KCTD16: variants seen among roughly 807,000 people sequenced by gnomAD.
KCTD16 encodes the protein BTB/POZ domain-containing protein KCTD16.
In KCTD16, 13 loss-of-function variants were observed where a neutral mutation model predicts 33.2. The ratio of observed to expected loss-of-function variants is 0.39; its 90% CI spans 0.25 to 0.62. The LOEUF (loss-of-function observed/expected upper bound fraction) is 0.62, where lower values mean the gene tolerates loss of function less well. Among genes scored for constraint, KCTD16 ranks in the 20% least tolerant of loss-of-function variants. The pLI is 0.50. For synonymous variants in KCTD16, 197 were observed against 195.3 expected, an observed-to-expected ratio of 1.01 and a Z score of -0.07; for missense variants, 441 against 525.1, an observed-to-expected ratio of 0.84 and a Z score of 1.57.
intron 3 of KCTD16, among the ~76,000 whole-genome samples, chr5:144,379,414 TA>T (rs1439031528): frequency 6.6e-6 from 1 of 152,174 alleles, no homozygotes; most frequent in African/African-American, 2.4e-5. Context: ...AGGTGTCCTA[TA>T]AATAAGCTTT....
chr5:144,283,440 AT>A (rs1561553129), intron 3 of KCTD16, among the ~76,000 whole-genome samples: 1 of 152,142 alleles, frequency 6.6e-6, no homozygotes, highest in Non-Finnish European at 1.5e-5. Context: ...ACTAGGTTGT[AT>A]TTTCATTTTT....
Position 144,480,984 on chromosome 5 carries a change from A to AT in KCTD16, c.*6871dup, listed in dbSNP as rs2127007464. ...GTATGGAAATTATTTGAAGTTAGACATAATTATCTCTTTATGCAGATGTGA... is the reference window on the plus strand; with the variant it reads ...GTATGGAAATTATTTGAAGTTAGACATTAATTATCTCTTTATGCAGATGTGA... On this transcript the variant is annotated 3_prime_UTR_variant, in exon 4 of 4. Transcript: ENST00000512467. 1 of 152,122 alleles carries AT rather than the reference A, an allele frequency of 6.6e-6. No homozygotes were observed. Among genetic ancestry groups the AT allele is most frequent in the Admixed American group, 6.6e-5 (1 of 15,244 alleles). The allele number at this position is 152,122 out of a possible 1,614,324, so 9.4% of individuals were successfully genotyped here.
intron 3 of KCTD16, among the ~76,000 whole-genome samples, chr5:144,261,167 C>CAAAAAAAAAAAA (rs1299878040): frequency 3.4e-3 from 264 of 77,928 alleles, no homozygotes; most frequent in Middle Eastern, 0.015. Flanking sequence ...GGAACAACAA[C>CAAAAAAAAAAAA]AAAAAAAAAA....
intron 3 of KCTD16, among the ~76,000 whole-genome samples, chr5:144,388,850 TTGTTCTCG>T (rs2126936941): frequency 6.6e-6 from 1 of 152,354 alleles, no homozygotes; most frequent in East Asian, 1.9e-4. Context: ...AACAAAGACT[TTGTTCTCG>T]TGAAACTCAT....
intron 3 of KCTD16, among the ~76,000 whole-genome samples, chr5:144,249,068 C>T (rs1001144183): frequency 6.6e-6 from 1 of 152,086 alleles, no homozygotes; most frequent in Non-Finnish European, 1.5e-5. Flanking sequence ...AATACAAATT[C>T]TTTACTACAT....
At chr5:144,268,674 A>G (rs928150324) in intron 3 of KCTD16, among the ~76,000 whole-genome samples, 2 of 152,194 alleles carry the variant, frequency 1.3e-5, no homozygotes, top group Non-Finnish European at 2.9e-5. Flanking sequence ...TTTCCAAAAA[A>G]AGATAATGAC....
intron 3 of KCTD16, among the ~76,000 whole-genome samples, chr5:144,267,556 C>T (rs530148576): frequency 1.2e-4 from 18 of 152,064 alleles, no homozygotes; most frequent in Non-Finnish European, 2.5e-4. Context: ...AGTTTATACC[C>T]CCAAACTGTG....
intron 3 of KCTD16, among the ~76,000 whole-genome samples, chr5:144,242,428 A>G (rs922892411): frequency 6.6e-6 from 1 of 152,194 alleles, no homozygotes; most frequent in Non-Finnish European, 1.5e-5. Context: ...CACCTTTACC[A>G]AGTTCCCAAC....
chr5:144,232,672 C>G (rs1754138436), intron 3 of KCTD16, among the ~76,000 whole-genome samples: 1 of 152,120 alleles, frequency 6.6e-6, no homozygotes, highest in African/African-American at 2.4e-5. Context: ...GTTTTTAGAG[C>G]AGTACTGTTC....
chr5:144,419,787 T>C (rs1753168112), intron 3 of KCTD16, among the ~76,000 whole-genome samples: 1 of 152,148 alleles, frequency 6.6e-6, no homozygotes, highest in Non-Finnish European at 1.5e-5. Flanking sequence ...TTTTATTTTA[T>C]CTAATTTTAA....
intron 3 of KCTD16, among the ~76,000 whole-genome samples, chr5:144,471,645 A>G (rs1345965122): frequency 6.6e-6 from 1 of 152,194 alleles, no homozygotes; most frequent in Non-Finnish European, 1.5e-5. Context: ...TCCCCTCAAA[A>G]TGTATGCTGG....
chr5:144,388,687 T>A (rs182888376), intron 3 of KCTD16, among the ~76,000 whole-genome samples: 2 of 152,304 alleles, frequency 1.3e-5, no homozygotes, highest in East Asian at 3.9e-4. Flanking sequence ...AAGTTGTTTT[T>A]AAGCAATATG....
chr5:144,246,779 C>T (rs575242326), intron 3 of KCTD16, among the ~76,000 whole-genome samples: 10 of 152,170 alleles, frequency 6.6e-5, no homozygotes, highest in Admixed American at 2.6e-4. Context: ...TCGTCCTTGT[C>T]ATCATCGTCT....
At chr5:144,242,272 G>A (rs1754424232) in intron 3 of KCTD16, among the ~76,000 whole-genome samples, 1 of 151,894 alleles carries the variant, frequency 6.6e-6, no homozygotes, top group Non-Finnish European at 1.5e-5. Context: ...TGTTAGTCTT[G>A]TCTATAAAAA....
chr5:144,209,488 A>G (rs1265656478), intron 3 of KCTD16, among the ~76,000 whole-genome samples: 1 of 152,140 alleles, frequency 6.6e-6, no homozygotes, highest in Non-Finnish European at 1.5e-5. Context: ...ATATCTTGCA[A>G]ATGATATACT....
At chr5:144,452,040 C>T (rs934280534) in intron 3 of KCTD16, among the ~76,000 whole-genome samples, 17 of 150,886 alleles carry the variant, frequency 1.1e-4, no homozygotes, top group Non-Finnish European at 2.4e-4. Context: ...TTTCTTACCT[C>T]CCATCTAAGC....
At position 144,484,629 on chromosome 5, in the gene KCTD16, C is replaced by T. The variant is rs950966468; in HGVS notation, c.*10515C>T. On this transcript the variant is annotated 3_prime_UTR_variant, in exon 4 of 4. Coordinates refer to ENST00000512467, the MANE Select transcript of KCTD16 (RefSeq NM_020768.4). ...ATCAAGCTCCTTGTGACATCTGTTT[C>T]TGATGCTGTGAATGTGATGTCACCA... 7 of 151,978 alleles carry T rather than the reference C, an allele frequency of 4.6e-5. No homozygotes were observed. Among genetic ancestry groups the T allele is most frequent in the African/African-American group, 1.7e-4 (7 of 41,428 alleles). The allele number at this position is 151,978 out of a possible 1,614,324, so 9.4% of individuals were successfully genotyped here. A position where few individuals can be genotyped will look rare whatever the true frequency, so the allele number is the denominator to read the frequency against.
intron 3 of KCTD16, among the ~76,000 whole-genome samples, chr5:144,228,747 T>C (rs1754009163): frequency 6.6e-6 from 1 of 152,068 alleles, no homozygotes; most frequent in South Asian, 2.1e-4. Context: ...AGGAATGAGA[T>C]TGAGTGCATA....
At chr5:144,336,247 G>A (rs751358475) in intron 3 of KCTD16, among the ~76,000 whole-genome samples, 2 of 152,164 alleles carry the variant, frequency 1.3e-5, no homozygotes, top group African/African-American at 2.4e-5. Context: ...TTCCAGACAC[G>A]GCTTCTGACC....
Sources: gnomAD v4.1 joint callset for allele counts (sites outside exome capture counted in the v4.1 genomes callset) on GRCh38, gnomAD v4.1.1 for gene constraint, MANE v1.5 for transcripts, NCBI Gene and HGNC (gene_info 2026-07-23, HGNC 2026-07-21) for gene names.